CCDC3: variants seen among roughly 807,000 people sequenced by gnomAD.
CCDC3 encodes the protein coiled-coil domain containing 3, also known as coiled-coil domain-containing protein 3.
Under a neutral mutation model 21.4 loss-of-function variants are expected in CCDC3, and 24 were observed. The observed-to-expected ratio is 1.12, with a 90% CI of 0.81 to 1.58. The LOEUF is 1.58. Among genes scored for constraint, CCDC3 ranks in the 40% most tolerant of loss-of-function variants. The probability of loss-of-function intolerance (pLI) is 0.00; values close to 1 mark genes in which losing one functional copy is unlikely to be tolerated. For synonymous variants in CCDC3, 186 were observed against 166.0 expected (o/e 1.12, Z -0.93); for missense variants, 425 against 360.9 (o/e 1.18, Z -1.44).
chr10:13,057,838 G>A (rs1261545570), intron 4 of CCDC3: 5 of 350,298 alleles, frequency 1.4e-5, no homozygotes, highest in East Asian at 6.5e-5. Context: ...CTGAGATCCC[G>A]CCATGGTACT....
intron 5 of CCDC3, among the ~76,000 whole-genome samples, chr10:13,025,113 T>C (rs1786994722): frequency 6.6e-6 from 1 of 152,138 alleles, no homozygotes; most frequent in African/African-American, 2.4e-5. Flanking sequence ...GACCAGGGGG[T>C]TATTACACTT....
At chr10:12,990,755 TAACA>T (rs1835668809) in intron 2 of CCDC3, among the ~76,000 whole-genome samples, 1 of 152,220 alleles carries the variant, frequency 6.6e-6, no homozygotes, top group South Asian at 2.1e-4. Flanking sequence ...AAGGTCTGCA[TAACA>T]TGGTAAAACT....
chr10:13,078,657 A>T (rs1836995638), intron 3 of CCDC3, among the ~76,000 whole-genome samples: 1 of 152,206 alleles, frequency 6.6e-6, no homozygotes, highest in Non-Finnish European at 1.5e-5. Flanking sequence ...TGGCACATAT[A>T]CACCCTGGAA....
chr10:12,966,789 C>T (rs542997544), intron 2 of CCDC3, among the ~76,000 whole-genome samples: 96 of 152,288 alleles, frequency 6.3e-4, no homozygotes, highest in African/African-American at 2.1e-3. Context: ...ATTTATTGGG[C>T]GCCTTCAAAT....
In CCDC3 at chr10:13,045,102, C is replaced by G. The variant is rs79874789; in HGVS notation, c.-2+4572G>C. ...AGGCAAAAAATTACTCCATTTACTG[C>G]TTAAACTTGTATTTCCATTCTACTT... On this transcript the variant is annotated intron_variant, in intron 5 of 6. Transcript: ENST00000378839. Among the ~76,000 whole-genome samples, 453 of 152,110 alleles carry G rather than the reference C, an allele frequency of 3.0e-3. 11 individuals carry two copies. The East Asian group carries it at 0.051, about 17-fold the overall frequency.
intron 3 of CCDC3, among the ~76,000 whole-genome samples, chr10:13,076,464 A>G (rs1374747210): frequency 1.3e-5 from 2 of 152,250 alleles, no homozygotes; most frequent in East Asian, 1.9e-4. Context: ...TGTCCTGTGT[A>G]GAAAGCAAAA....
chr10:13,035,078 T>C (rs1256519194), intron 5 of CCDC3, among the ~76,000 whole-genome samples: 1 of 149,530 alleles, frequency 6.7e-6, no homozygotes. Context: ...AAAACAGGAC[T>C]GGAGGAAACC....
intron 2 of CCDC3, among the ~76,000 whole-genome samples, chr10:12,907,240 CA>C (rs1278462804): frequency 1.3e-5 from 2 of 152,134 alleles, no homozygotes; most frequent in Non-Finnish European, 2.9e-5. Context: ...GAAATAGAAG[CA>C]AGTCATTTTC....
At chr10:13,035,634 C>G (rs889868420) in intron 5 of CCDC3, among the ~76,000 whole-genome samples, 1 of 152,138 alleles carries the variant, frequency 6.6e-6, no homozygotes, top group African/African-American at 2.4e-5. Flanking sequence ...AAGGGAAGAA[C>G]TATATCATCC....
At chr10:12,911,480 A>G (rs1319463312) in intron 2 of CCDC3, among the ~76,000 whole-genome samples, 1 of 152,216 alleles carries the variant, frequency 6.6e-6, no homozygotes. Context: ...CCACTCAAAG[A>G]CAACTTGCAT....
In CCDC3 at chr10:12,994,975, G is replaced by A. The variant is rs201643209; in HGVS notation, c.549+3363C>T. On this transcript the variant is annotated intron_variant, in intron 2 of 2. Transcript: ENST00000378825. ...ACATACCTGTAATCCCAACTACTTG[G>A]GAAGCTGAGGCAGGAGAATCACTTG... Among the ~76,000 whole-genome samples the A allele has an allele frequency of 4.6e-5, 7 of 151,878 alleles. No individual in the cohort carries two copies. The East Asian group carries it at 1.4e-3, about 29-fold the overall frequency.
At chr10:13,014,613 C>CT (rs142528625) in intron 5 of CCDC3, among the ~76,000 whole-genome samples, 10,596 of 152,026 alleles carry the variant, frequency 0.07, 457 homozygotes, top group East Asian at 0.12. Context: ...AATGGTGGTA[C>CT]TATATCAAAG....
At chr10:13,061,303 T>C (rs1564336296) in intron 4 of CCDC3, among the ~76,000 whole-genome samples, 1 of 152,220 alleles carries the variant, frequency 6.6e-6, no homozygotes, top group Admixed American at 6.5e-5. Flanking sequence ...CCGGTGATGA[T>C]CTACCTAACA....
chr10:12,987,969 G>C (rs1226453772), intron 2 of CCDC3, among the ~76,000 whole-genome samples: 1 of 152,028 alleles, frequency 6.6e-6, no homozygotes, highest in African/African-American at 2.4e-5. Context: ...TTCCGCTTTT[G>C]CCCCTCAGCA....
At chr10:13,083,887 C>T (rs1837072502) in intron 3 of CCDC3, among the ~76,000 whole-genome samples, 1 of 152,232 alleles carries the variant, frequency 6.6e-6, no homozygotes, top group South Asian at 2.1e-4. Context: ...ATTTTTCCAT[C>T]TGCGAGGAGC....
intron 2 of CCDC3, among the ~76,000 whole-genome samples, chr10:12,934,732 TCTGCTCTAAAA>T (rs1834707822): frequency 6.6e-6 from 1 of 152,196 alleles, no homozygotes; most frequent in African/African-American, 2.4e-5. Context: ...TGCTCTGAAG[TCTGCTCTAAAA>T]TTAATATAGC....
In CCDC3 at chr10:13,043,343, G is replaced by A. The variant is rs147666864; in HGVS notation, c.-2+6331C>T. On this transcript the variant is annotated intron_variant, in intron 5 of 6. Coordinates refer to the CCDC3 transcript ENST00000378839. ...ATGGTGGCTCACGCCTGTAATCCCAGCTACTTTGGGAGGCTGAGGTAGGTG... is the reference window on the plus strand; with the variant it reads ...ATGGTGGCTCACGCCTGTAATCCCAACTACTTTGGGAGGCTGAGGTAGGTG... 2.6e-3 allele frequency among the ~76,000 whole-genome samples: 394 copies of A among 152,284 alleles called. 1 individual carries two copies. The highest frequency in any genetic ancestry group is 9.2e-3 in the African/African-American group (381 of 41,546).
chr10:13,071,298 C>T (rs376559978), intron 4 of CCDC3, among the ~76,000 whole-genome samples: 5 of 67,324 alleles, frequency 7.4e-5, no homozygotes, highest in African/African-American at 3.4e-4. Flanking sequence ...TCCACGCAAC[C>T]CCCCCTCAAG....
chr10:12,956,992 C>T (rs928837351), intron 2 of CCDC3, among the ~76,000 whole-genome samples: 5 of 152,246 alleles, frequency 3.3e-5, no homozygotes, highest in African/African-American at 1.2e-4. Flanking sequence ...AATCCTTTCT[C>T]TGTCCCTTAT....
Sources: gnomAD v4.1 joint callset for allele counts (sites outside exome capture counted in the v4.1 genomes callset) on GRCh38, gnomAD v4.1.1 for gene constraint, MANE v1.5 for transcripts, NCBI Gene and HGNC (gene_info 2026-07-23, HGNC 2026-07-21) for gene names.